The following EDDM3B variants were observed in gnomAD, a reference collection of about 807,000 sequenced individuals.
EDDM3B encodes epididymal protein 3B.
For synonymous variants in EDDM3B, 71 were observed against 59.1 expected, an observed-to-expected ratio of 1.20 and a Z score of -0.92; for missense variants, 189 against 178.3, an observed-to-expected ratio of 1.06 and a Z score of -0.34.
chr14:20,768,952 C>T (rs758867448), intron 1 of EDDM3B, among the ~76,000 whole-genome samples: 2 of 152,110 alleles, frequency 1.3e-5, no homozygotes, highest in Admixed American at 6.5e-5. Context: ...TCAGTAAGGG[C>T]GGGAACACTT....
In EDDM3B at chr14:20,768,872, G is replaced by A. The variant is rs75411621; in HGVS notation, c.-19+366G>A. Among the ~76,000 whole-genome samples, 362 of 152,328 alleles carry A rather than the reference G, an allele frequency of 2.4e-3. 2 individuals are homozygous for A. The highest frequency in any genetic ancestry group is 8.5e-3 in the African/African-American group (353 of 41,580). On this transcript the variant is annotated intron_variant, in intron 1 of 1. Coordinates refer to ENST00000326783, the MANE Select transcript of EDDM3B (RefSeq NM_022360.5). ...CATGCGTCTCATTAGACACTTGCAGGTCTGTAGGGAGCTATTATTAAGTCC... is the reference window on the plus strand; with the variant it reads ...CATGCGTCTCATTAGACACTTGCAGATCTGTAGGGAGCTATTATTAAGTCC...
intron 1 of EDDM3B, among the ~76,000 whole-genome samples, chr14:20,769,675 C>G (rs1282114052): frequency 6.6e-6 from 1 of 152,178 alleles, no homozygotes; most frequent in Non-Finnish European, 1.5e-5. Context: ...CGAATCGAAG[C>G]CTTCCTACCT....
In EDDM3B at chr14:20,770,202, C is replaced by G; in HGVS notation, c.52C>G (p.Leu18Val). The G allele has an allele frequency of 6.2e-7, 1 of 1,614,132 alleles. No individual in the cohort carries two copies. Residue 18 changes from leucine to valine, a missense_variant, in exon 2 of 2, where the codon CTA becomes GTA. Coordinates refer to ENST00000326783, the MANE Select transcript of EDDM3B (RefSeq NM_022360.5). ...WGTLLALLCI[L>V]CTLLVQSKEV... Reference sequence around the variant, plus strand: ...CACACTCTTGGCCCTACTTTGCATCCTATGCACACTGCTTGTACAGAGCAA... The same window carrying G: ...CACACTCTTGGCCCTACTTTGCATCGTATGCACACTGCTTGTACAGAGCAA...
Position 20,770,528 on chromosome 14 carries a change from T to C in EDDM3B, c.378T>C (p.His126=), listed in dbSNP as rs575358191. ...ESRSFNYIEF[H]CSMDGYVDSI... ...GGAGCTTCAACTACATTGAATTCCATTGTAGCATGGACGGGTATGTTGATA... is the reference window on the plus strand; with the variant it reads ...GGAGCTTCAACTACATTGAATTCCACTGTAGCATGGACGGGTATGTTGATA... Residue 126 remains histidine (H), a synonymous_variant, in exon 2 of 2, where the codon CAT becomes CAC. Coordinates refer to ENST00000326783, the MANE Select transcript of EDDM3B (RefSeq NM_022360.5). 28 of 1,614,118 alleles carry C rather than the reference T, an allele frequency of 1.7e-5. No individual in the cohort carries two copies. The South Asian group carries it at 2.5e-4, about 15-fold the overall frequency.
At chr14:20,770,092 T>A in intron 1 of EDDM3B, 41 bp from the exon 2 acceptor site, 1 of 1,491,186 alleles carries the variant, frequency 6.7e-7, no homozygotes, top group South Asian at 1.3e-5. Context: ...CTGGGCATTG[T>A]CTGGATAATG....
At position 20,770,083 on chromosome 14, in the gene EDDM3B, TG is replaced by T. The variant is rs1010708486; in HGVS notation, c.-18-47del. ...AATTTTAAGGTGGAGTTCAGCTCTC[TG>T]GGCATTGTCTGGATAATGCTTTTCT... On this transcript the variant is annotated intron_variant, in intron 1 of 1. Transcript: ENST00000326783. 3 of 1,447,646 alleles carry T rather than the reference TG, an allele frequency of 2.1e-6. No individual in the cohort carries two copies. The African/African-American group carries it at 4.2e-5, about 21-fold the overall frequency. The allele number at this position is 1,447,646 out of a possible 1,614,324, so 89.7% of individuals were successfully genotyped here.
In EDDM3B at chr14:20,770,272, C is replaced by A. The variant is rs757922371; in HGVS notation, c.122C>A (p.Pro41Gln). 1 of 1,614,068 alleles carries A rather than the reference C, an allele frequency of 6.2e-7. No individual in the cohort carries two copies. Among genetic ancestry groups the A allele is most frequent in the Non-Finnish European group, 8.5e-7 (1 of 1,180,002 alleles). Residue 41 changes from proline (P) to glutamine (Q), a missense_variant, in exon 2 of 2, where the codon CCA becomes CAA. Transcript: ENST00000326783. ...TTCATGAAACAGCACTACTTAAGTC[C>A]AAGTCGAGAATTCAGAGAGTACAAA... is the stretch of plus-strand genomic sequence containing the variant. Reference protein sequence around the residue: ...REFMKQHYLSPSREFREYKCD... With the variant: ...REFMKQHYLSQSREFREYKCD...
Position 20,768,423 on chromosome 14 carries a change from G to A in EDDM3B, c.-102G>A, listed in dbSNP as rs1878234463. The A allele has an allele frequency of 6.6e-6, 1 of 152,388 alleles. No individual in the cohort carries two copies. Among genetic ancestry groups the A allele is most frequent in the Admixed American group, 6.5e-5 (1 of 15,280 alleles). The allele number at this position is 152,388 out of a possible 1,614,324, so 9.4% of individuals were successfully genotyped here. A position where few individuals can be genotyped will look rare whatever the true frequency, so the allele number is the denominator to read the frequency against. On this transcript the variant is annotated 5_prime_UTR_variant, in exon 1 of 2. Coordinates refer to ENST00000326783, the MANE Select transcript of EDDM3B (RefSeq NM_022360.5). ...TGCTGCAGATTTCCAGGGCCCTGAGGAAAGGAGGACTCAGACTCTGCTCTT... is the reference window on the plus strand; with the variant it reads ...TGCTGCAGATTTCCAGGGCCCTGAGAAAAGGAGGACTCAGACTCTGCTCTT...
chr14:20,770,041 C>G (rs1878290254), intron 1 of EDDM3B, 92 bp from the exon 2 acceptor site: 2 of 1,071,410 alleles, frequency 1.9e-6, no homozygotes, highest in Non-Finnish European at 2.6e-6. Context: ...ACCCAAGTGC[C>G]TGCCTGGTGG....
At chr14:20,770,073 T>C (rs369988421) in intron 1 of EDDM3B, 60 bp from the exon 2 acceptor site, 3 of 1,400,068 alleles carry the variant, frequency 2.1e-6, no homozygotes, top group East Asian at 2.3e-5. Flanking sequence ...TAAGGTGGAG[T>C]TCAGCTCTCT....
Position 20,770,507 on chromosome 14 carries a change from C to G in EDDM3B, c.357C>G (p.Ser119Arg), listed in dbSNP as rs778679067. Reference sequence around the variant, plus strand: ...AAAATAGCTACACAGAGAGCAGGAGCTTCAACTACATTGAATTCCATTGTA... The same window carrying G: ...AAAATAGCTACACAGAGAGCAGGAGGTTCAACTACATTGAATTCCATTGTA... ...NSKNSYTESRSFNYIEFHCSM... is the reference protein window; with the variant it reads ...NSKNSYTESRRFNYIEFHCSM... Residue 119 changes from serine (S) to arginine (R), a missense_variant, in exon 2 of 2, where the codon AGC becomes AGG. Transcript: ENST00000326783. The G allele has an allele frequency of 6.2e-7, 1 of 1,614,120 alleles. No individual in the cohort carries two copies.
At position 20,768,487 on chromosome 14, in the gene EDDM3B, G is replaced by C. The variant is rs1187781741; in HGVS notation, c.-38G>C. 1.3e-5 allele frequency: 2 copies of C among 152,272 alleles called. No individual in the cohort carries two copies. The highest frequency in any genetic ancestry group is 4.8e-5 in the African/African-American group (2 of 41,448). 9.4% of individuals were successfully genotyped at this position (152,272 alleles called of 1,614,324 possible). A position where few individuals can be genotyped will look rare whatever the true frequency, so the allele number is the denominator to read the frequency against. ...TGATCCCAACTACAACCAGTGACCT[G>C]AACTTGGAGTCTGAGTAGGGTAAGA... is the stretch of plus-strand genomic sequence containing the variant. On this transcript the variant is annotated 5_prime_UTR_variant, in exon 1 of 2. Coordinates refer to ENST00000326783, the MANE Select transcript of EDDM3B (RefSeq NM_022360.5).
At chr14:20,768,687 C>G (rs1878243480) in intron 1 of EDDM3B, among the ~76,000 whole-genome samples, 181 bp downstream of exon 1, 1 of 152,208 alleles carries the variant, frequency 6.6e-6, no homozygotes, top group Non-Finnish European at 1.5e-5. Context: ...TCCTTCACCC[C>G]CAGTCTTCTC....
At chr14:20,768,616 CAA>C (rs1230358767) in intron 1 of EDDM3B, 110 bp downstream of exon 1, 3 of 152,268 alleles carry the variant, frequency 2.0e-5, no homozygotes, top group African/African-American at 4.8e-5. Flanking sequence ...TCATGGAAAA[CAA>C]AGGTGTGAAT....
Position 20,770,237 on chromosome 14 carries a change from T to C in EDDM3B, c.87T>C (p.Ser29=), listed in dbSNP as rs1458921866. ...TGCTTGTACAGAGCAAAGAAGTTTC[T>C]TGGAGAGAATTCATGAAACAGCACT... The part of the protein sequence containing the change: ...CTLLVQSKEV[S]WREFMKQHYL... The change falls in exon 2 of 2, where the codon TCT becomes TCC. Residue 29 remains serine (S), a synonymous_variant. Coordinates refer to ENST00000326783, the MANE Select transcript of EDDM3B (RefSeq NM_022360.5). 1 of 1,614,038 alleles carries C rather than the reference T, an allele frequency of 6.2e-7. No individual in the cohort carries two copies. Among genetic ancestry groups the C allele is most frequent in the African/African-American group, 1.3e-5 (1 of 74,908 alleles).
chr14:20,770,616 G>A lies in EDDM3B; in HGVS notation c.*22G>A, dbSNP rs770363129. ...CTAGAAAGTCTATGCACATCCTCAG[G>A]TATTGGTAGAGTATTCAGTGCTTTC... On this transcript the variant is annotated 3_prime_UTR_variant, in exon 2 of 2. Transcript: ENST00000326783. The A allele has an allele frequency of 1.5e-5, 23 of 1,584,458 alleles. 1 individual carries two copies. The South Asian group carries it at 2.7e-4, about 18-fold the overall frequency.
intron 1 of EDDM3B, 82 bp from the exon 2 acceptor site, chr14:20,770,051 G>A: frequency 3.4e-6 from 4 of 1,189,654 alleles, no homozygotes; most frequent in Non-Finnish European, 4.7e-6. Context: ...CTGCCTGGTG[G>A]GGAAGGAATT....
intron 1 of EDDM3B, among the ~76,000 whole-genome samples, 165 bp downstream of exon 1, chr14:20,768,671 C>T (rs964749833): frequency 6.6e-6 from 1 of 152,214 alleles, no homozygotes; most frequent in Non-Finnish European, 1.5e-5. Context: ...TTCCCTGCCC[C>T]TCCCTTCCTT....
Sources: allele counts gnomAD v4.1 joint callset (sites outside exome capture counted in the v4.1 genomes callset), GRCh38; gene constraint gnomAD v4.1.1; transcripts MANE v1.5; gene names NCBI Gene and HGNC (gene_info 2026-07-23, HGNC 2026-07-21).